JDP2: variants seen among roughly 807,000 people sequenced by gnomAD.
JDP2 encodes Jun dimerization protein 2.
JDP2 carries 9 observed loss-of-function variants against 17.1 expected under a neutral mutation model. The observed-to-expected ratio is 0.53, with a 90% confidence interval of 0.32 to 0.92. The LOEUF is 0.92. Ranked by LOEUF, JDP2 falls within the 40% of genes least tolerant of loss-of-function variation. JDP2 has a pLI of 0.04. For synonymous variants in JDP2, 107 were observed against 95.6 expected (o/e 1.12, Z -0.69); for missense variants, 179 against 220.0 (o/e 0.81, Z 1.18).
At chr14:75,461,138 T>C (rs1886330204) in intron 2 of JDP2, among the ~76,000 whole-genome samples, 1 of 152,212 alleles carries the variant, frequency 6.6e-6, no homozygotes, top group African/African-American at 2.4e-5. Context: ...CACTGTTGCA[T>C]TGGGGATTAA....
intron 1 of JDP2, among the ~76,000 whole-genome samples, chr14:75,433,788 G>A (rs1246409048): frequency 1.3e-5 from 2 of 151,956 alleles, no homozygotes; most frequent in Non-Finnish European, 2.9e-5. Flanking sequence ...TCAGTGTCCC[G>A]CATTGCCAGT....
In JDP2 at chr14:75,430,326, C is replaced by A. The variant is rs1022530090; in HGVS notation, c.-24+2074C>A. Among the ~76,000 whole-genome samples, 2 of 152,232 alleles carry A rather than the reference C, an allele frequency of 1.3e-5. No individual in the cohort carries two copies. The highest frequency in any genetic ancestry group is 2.9e-5 in the Non-Finnish European group (2 of 68,042). The stretch of plus-strand genomic sequence containing the variant: ...TAGGCCGGCCTGCTCTGTATTCATT[C>A]AGCTCCAGCTCAACTTGAGCAATCA... On this transcript the variant is annotated intron_variant, in intron 1 of 3. Transcript: ENST00000651602. The surrounding 1 kb of genome is among the most constrained non-coding windows in gnomAD (Gnocchi z 4.5).
chr14:75,469,368 A>G lies in JDP2; in HGVS notation c.385A>G (p.Ile129Val). 6 of 1,614,156 alleles carry G rather than the reference A, an allele frequency of 3.7e-6. No homozygotes were observed. The highest frequency in any genetic ancestry group is 5.1e-6 in the Non-Finnish European group (6 of 1,179,998). ...EELKQERQQL[I>V]LMLNRHRPTC... is the part of the protein sequence containing the mutation. Reference sequence around the variant, plus strand: ...GCTGAAGCAGGAGCGGCAGCAGCTCATCCTGATGCTGAACCGACACCGCCC... The same window carrying G: ...GCTGAAGCAGGAGCGGCAGCAGCTCGTCCTGATGCTGAACCGACACCGCCC... The change falls in exon 4 of 4, where the codon ATC becomes GTC. Residue 129 changes from isoleucine to valine, a missense_variant. Coordinates refer to ENST00000651602, the MANE Select transcript of JDP2 (RefSeq NM_001135048.2).
rs1884609586 is a variant in JDP2, at chr14:75,428,116, C to T, written c.-160C>T. On this transcript the variant is annotated 5_prime_UTR_variant, in exon 1 of 4. Coordinates refer to ENST00000651602, the MANE Select transcript of JDP2 (RefSeq NM_001135048.2). The surrounding 1 kb of genome is among the most constrained non-coding windows in gnomAD (Gnocchi z 5.6). Reference sequence around the variant, plus strand: ...TGCAGCGGCGGCGGGGCTGGCGCCGCGGCGGCTCCCGGGCCGGGACAGGCC... The same window carrying T: ...TGCAGCGGCGGCGGGGCTGGCGCCGTGGCGGCTCCCGGGCCGGGACAGGCC... 1 of 146,314 alleles carries T rather than the reference C, an allele frequency of 6.8e-6. No homozygotes were observed. The highest frequency in any genetic ancestry group is 6.8e-5 in the Admixed American group (1 of 14,710). The allele number at this position is 146,314 out of a possible 1,614,324, so 9.1% of individuals were successfully genotyped here.
intron 2 of JDP2, 94 bp downstream of exon 2, chr14:75,438,215 C>G (rs757543833): frequency 1.7e-5 from 16 of 965,442 alleles, no homozygotes; most frequent in African/African-American, 3.3e-5. Flanking sequence ...GTCTGAGGAC[C>G]AGTATCATCC....
chr14:75,450,459 C>T (rs1233715787), intron 2 of JDP2, among the ~76,000 whole-genome samples: 1 of 152,230 alleles, frequency 6.6e-6, no homozygotes, highest in Non-Finnish European at 1.5e-5. Context: ...GCTGTGCACA[C>T]AGGGCAATGG....
chr14:75,453,196 C>A (rs1027224872), intron 2 of JDP2, among the ~76,000 whole-genome samples: 2 of 152,132 alleles, frequency 1.3e-5, no homozygotes, highest in African/African-American at 4.8e-5. Flanking sequence ...GGACTGCAGC[C>A]CCTGGCTTAG....
At chr14:75,448,179 T>C (rs1442000335) in intron 2 of JDP2, among the ~76,000 whole-genome samples, 2 of 152,202 alleles carry the variant, frequency 1.3e-5, no homozygotes, top group Non-Finnish European at 2.9e-5. Context: ...AGCCCTTAAG[T>C]AAAATATATA....
intron 1 of JDP2, chr14:75,432,450 C>A (rs1053381021): frequency 1.4e-5 from 14 of 990,178 alleles, no homozygotes; most frequent in Non-Finnish European, 2.0e-5. Context: ...TCCCAAGGTC[C>A]CCCACTTCTC....
At chr14:75,432,191 T>C in intron 1 of JDP2, 8 of 815,686 alleles carry the variant, frequency 9.8e-6, no homozygotes, top group Admixed American at 2.2e-5. Flanking sequence ...TTCCCCATCA[T>C]CTTGCTTCTC....
At chr14:75,469,147 G>C in intron 3 of JDP2, 143 bp from the exon 4 acceptor site, 2 of 684,336 alleles carry the variant, frequency 2.9e-6, no homozygotes, top group Non-Finnish European at 4.8e-6. Context: ...GTTAGCCAGG[G>C]GCTCAGTAGC....
At chr14:75,429,019 G>C (rs1434762504) in intron 1 of JDP2, among the ~76,000 whole-genome samples, 2 of 152,094 alleles carry the variant, frequency 1.3e-5, no homozygotes, top group African/African-American at 4.8e-5. Flanking sequence ...CGAGGGGTAG[G>C]GGTGCAGTGG....
intron 2 of JDP2, among the ~76,000 whole-genome samples, chr14:75,441,181 C>T (rs903278380): frequency 6.6e-6 from 1 of 152,086 alleles, no homozygotes; most frequent in African/African-American, 2.4e-5. Context: ...AGCCGCTGTG[C>T]GGGCAGCTCT....
At chr14:75,441,386 G>C (rs1053205236) in intron 2 of JDP2, among the ~76,000 whole-genome samples, 2 of 152,158 alleles carry the variant, frequency 1.3e-5, no homozygotes, top group Non-Finnish European at 2.9e-5. Flanking sequence ...CTGTTTTGGT[G>C]CCAACTGCTT....
At chr14:75,429,927 G>A (rs1355333205) in intron 1 of JDP2, among the ~76,000 whole-genome samples, 1 of 151,866 alleles carries the variant, frequency 6.6e-6, no homozygotes, top group Non-Finnish European at 1.5e-5. Flanking sequence ...TTTCTCCTAG[G>A]TGGGCTGCAG....
intron 2 of JDP2, among the ~76,000 whole-genome samples, chr14:75,457,219 TG>T (rs950545306): frequency 1.3e-5 from 2 of 152,258 alleles, no homozygotes; most frequent in Admixed American, 1.3e-4. Flanking sequence ...GTCAGAGCCA[TG>T]TGTGGTACAA....
Position 75,443,450 on chromosome 14 carries a change from C to T in JDP2, c.201+5329C>T, listed in dbSNP as rs144491131. 2.2e-3 allele frequency among the ~76,000 whole-genome samples: 339 copies of T among 152,258 alleles called. 1 individual carries two copies. The highest frequency in any genetic ancestry group is 7.7e-3 in the African/African-American group (318 of 41,530). On this transcript the variant is annotated intron_variant, in intron 2 of 3. Transcript: ENST00000651602. ...CTTTTTTTGTCTCATACTTGTTTGG[C>T]AGAGAGGTCCAATCTGTCCTCTCTT...
chr14:75,468,148 C>T (rs1231526849), intron 3 of JDP2, among the ~76,000 whole-genome samples: 1 of 152,300 alleles, frequency 6.6e-6, no homozygotes, highest in Middle Eastern at 3.4e-3. Flanking sequence ...GTTGCAACTA[C>T]TGCTTGCTCT....
rs138535849 is a variant in JDP2 at position 75,472,070 on chromosome 14, C to G, written c.*2595C>G. On this transcript the variant is annotated 3_prime_UTR_variant, in exon 4 of 4. Coordinates refer to ENST00000651602, the MANE Select transcript of JDP2 (RefSeq NM_001135048.2). ...CACCACACCAGTGACTTGTGCTGTG[C>G]GGAGCCTTCCTCACCAGGACCACTG... The G allele has an allele frequency of 6.6e-6, 1 of 152,146 alleles. No homozygotes were observed. Among genetic ancestry groups the G allele is most frequent in the Non-Finnish European group, 1.5e-5 (1 of 68,050 alleles). The allele number at this position is 152,146 out of a possible 1,614,324, so 9.4% of individuals were successfully genotyped here. A position where few individuals can be genotyped will look rare whatever the true frequency, so the allele number is the denominator to read the frequency against.
Sources: allele counts gnomAD v4.1 joint callset (sites outside exome capture counted in the v4.1 genomes callset), GRCh38; gene constraint gnomAD v4.1.1; non-coding constraint Gnocchi (gnomAD v3.1); transcripts MANE v1.5; gene names NCBI Gene and HGNC (gene_info 2026-07-23, HGNC 2026-07-21).